Variants in SCMH1 observed in about 807,000 individuals in gnomAD.
SCMH1 encodes Scm polycomb group protein homolog 1.
Under a neutral mutation model 70.8 loss-of-function variants are expected in SCMH1, and 37 were observed. The ratio of observed to expected loss-of-function variants is 0.52; its 90% CI spans 0.40 to 0.69. The LOEUF is 0.69. SCMH1 is among the 30% of genes least tolerant of loss of function. The probability of loss-of-function intolerance (pLI) is 0.00; values close to 1 mark genes in which losing one functional copy is unlikely to be tolerated. For synonymous variants in SCMH1, 292 were observed against 307.4 expected (o/e 0.95, Z 0.52); for missense variants, 607 against 827.3 (o/e 0.73, Z 3.27).
intron 6 of SCMH1, among the ~76,000 whole-genome samples, chr1:41,127,212 T>A (rs987488333): frequency 1.3e-5 from 2 of 152,154 alleles, no homozygotes; most frequent in Non-Finnish European, 2.9e-5. Context: ...TCTTAAAAAA[T>A]TTTTCTATTT....
At position 41,101,511 on chromosome 1, in the gene SCMH1, T is replaced by C. The variant is rs186985057; in HGVS notation, c.745+11772A>G. Among the ~76,000 whole-genome samples, 44 of 152,372 alleles carry C rather than the reference T, an allele frequency of 2.9e-4. No individual in the cohort carries two copies. In the East Asian group the frequency reaches 7.5e-3, roughly 26 times the overall value. ...GTAAAGAGTAACTCTGAAGTCTGTATTTATTGATAAGATGTAAAGCTCATT... is the reference window on the plus strand; with the variant it reads ...GTAAAGAGTAACTCTGAAGTCTGTACTTATTGATAAGATGTAAAGCTCATT... On this transcript the variant is annotated intron_variant, in intron 8 of 14. Transcript: ENST00000337495.
intron 5 of SCMH1, among the ~76,000 whole-genome samples, chr1:41,148,784 A>C (rs1420997126): frequency 6.6e-6 from 1 of 151,486 alleles, no homozygotes; most frequent in African/African-American, 2.4e-5. Context: ...CTATAGTTTT[A>C]TTTATTTATT....
chr1:41,160,553 G>A (rs922358816), intron 4 of SCMH1, among the ~76,000 whole-genome samples: 1 of 152,082 alleles, frequency 6.6e-6, no homozygotes, highest in Non-Finnish European at 1.5e-5. Flanking sequence ...GGATGGCAGG[G>A]GTTTGTTTTA....
chr1:41,113,243 T>C lies in SCMH1; in HGVS notation c.745+40A>G, dbSNP rs770618867. The C allele has an allele frequency of 1.7e-5, 27 of 1,598,238 alleles. No homozygotes were observed. The highest frequency in any genetic ancestry group is 2.2e-5 in the Non-Finnish European group (26 of 1,173,288). ...CAGCCCTGGGTAGTCTCCCTTATCA[T>C]CTGGGTCCTGATTTCAAGAGCACGT... On this transcript the variant is annotated intron_variant, in intron 8 of 14. Transcript: ENST00000337495. This position sits in a 1 kb window ranked among gnomAD's most constrained non-coding sequence, Gnocchi z 4.3.
rs373491524 is a variant in SCMH1 at position 41,229,741 on chromosome 1, A to T, written c.-118+12318T>A. ...GTACCCTAGAAATTAAAGTATAATT[A>T]AAAAAAAAATAAGATTGGCAAGACC... On this transcript the variant is annotated intron_variant, in intron 1 of 14. Transcript: ENST00000337495. Among the ~76,000 whole-genome samples, 65 of 150,102 alleles carry T rather than the reference A, an allele frequency of 4.3e-4. 1 individual carries two copies. The highest frequency in any genetic ancestry group is 1.4e-3 in the Admixed American group (21 of 15,068).
intron 5 of SCMH1, among the ~76,000 whole-genome samples, chr1:41,145,022 C>A (rs534046140): frequency 2.0e-5 from 3 of 152,216 alleles, no homozygotes; most frequent in East Asian, 1.9e-4. Flanking sequence ...CAAATATTTT[C>A]TCCCATTGTG....
intron 6 of SCMH1, among the ~76,000 whole-genome samples, chr1:41,125,184 A>C (rs2148002238): frequency 6.6e-6 from 1 of 152,170 alleles, no homozygotes; most frequent in Middle Eastern, 3.4e-3. Flanking sequence ...TCAATTATTA[A>C]AATAGTTGCA....
chr1:41,037,361 C>A lies in SCMH1; in HGVS notation c.1678+1G>T, dbSNP rs772619936. 6 of 1,613,684 alleles carry A rather than the reference C, an allele frequency of 3.7e-6. No individual in the cohort carries two copies. In the South Asian group the frequency reaches 6.6e-5, roughly 18 times the overall value. On this transcript the variant is annotated splice_donor_variant, in intron 13 of 14. Transcript: ENST00000337495. LOFTEE classifies it high-confidence loss of function. ...GAGGGCCAGGACTCTGGTAAGCTTA[C>A]CCCTGGAGCATAGCCTGCGCACAGC...
chr1:41,087,892 T>A (rs1414496651), intron 8 of SCMH1, among the ~76,000 whole-genome samples: 4 of 150,688 alleles, frequency 2.7e-5, no homozygotes, highest in African/African-American at 9.9e-5. Flanking sequence ...CATATTATTG[T>A]ACAATATACT....
chr1:41,057,581 GTCCAGT>G (rs1456980048), intron 10 of SCMH1, among the ~76,000 whole-genome samples: 1 of 151,912 alleles, frequency 6.6e-6, no homozygotes, highest in Non-Finnish European at 1.5e-5. Context: ...AGTACATCAT[GTCCAGT>G]TATCACACAA....
chr1:41,118,463 A>G (rs1237323362), intron 6 of SCMH1, among the ~76,000 whole-genome samples: 1 of 152,200 alleles, frequency 6.6e-6, no homozygotes, highest in Non-Finnish European at 1.5e-5. Flanking sequence ...AACCCAATAT[A>G]TAAGTAAATC....
At chr1:41,037,158 T>G (rs1165041288) in intron 13 of SCMH1, among the ~76,000 whole-genome samples, 1 of 152,208 alleles carries the variant, frequency 6.6e-6, no homozygotes, top group Non-Finnish European at 1.5e-5. Flanking sequence ...TCTTTGGCTC[T>G]TAGTTTCTGT....
At chr1:41,130,491 C>G (rs903091513) in intron 6 of SCMH1, among the ~76,000 whole-genome samples, 1 of 152,128 alleles carries the variant, frequency 6.6e-6, no homozygotes, top group African/African-American at 2.4e-5. Flanking sequence ...TGGATTTAGA[C>G]CCCACATTCA....
chr1:41,239,060 T>A (rs1573339624), intron 1 of SCMH1, among the ~76,000 whole-genome samples: 1 of 152,128 alleles, frequency 6.6e-6, no homozygotes, highest in Non-Finnish European at 1.5e-5. Flanking sequence ...GACCACATTT[T>A]AAAAATGTTA....
intron 12 of SCMH1, among the ~76,000 whole-genome samples, chr1:41,044,828 G>T (rs1646699287): frequency 6.6e-6 from 1 of 152,126 alleles, no homozygotes; most frequent in East Asian, 1.9e-4. Flanking sequence ...GAAAGGTCAT[G>T]CCCCGGTCCC....
intron 4 of SCMH1, among the ~76,000 whole-genome samples, chr1:41,158,515 G>A (rs1269148806): frequency 6.6e-6 from 1 of 152,222 alleles, no homozygotes; most frequent in Non-Finnish European, 1.5e-5. Flanking sequence ...CAGAAAGAAA[G>A]GCATTATAAA....
chr1:41,134,588 A>T (rs1467272764), intron 6 of SCMH1, among the ~76,000 whole-genome samples: 1 of 152,216 alleles, frequency 6.6e-6, no homozygotes, highest in Non-Finnish European at 1.5e-5. Context: ...TCAGGATACA[A>T]AGTCAATATG....
At chr1:41,133,628 A>G (rs1157024607) in intron 6 of SCMH1, among the ~76,000 whole-genome samples, 1 of 152,238 alleles carries the variant, frequency 6.6e-6, no homozygotes, top group Non-Finnish European at 1.5e-5. Flanking sequence ...CCACAGAAAT[A>G]CAAACTACCA....
At chr1:41,101,369 C>T (rs1013027456) in intron 8 of SCMH1, among the ~76,000 whole-genome samples, 4 of 152,126 alleles carry the variant, frequency 2.6e-5, no homozygotes, top group African/African-American at 9.7e-5. Context: ...AATTTGATTT[C>T]CTCTAGCCCC....
Sources: allele counts gnomAD v4.1 joint callset (sites outside exome capture counted in the v4.1 genomes callset), GRCh38; gene constraint gnomAD v4.1.1; non-coding constraint Gnocchi (gnomAD v3.1); transcripts MANE v1.5; gene names NCBI Gene and HGNC (gene_info 2026-07-23, HGNC 2026-07-21).